The following PRKAR1A variants were observed in gnomAD, a reference collection of about 807,000 sequenced individuals.
PRKAR1A encodes the protein protein kinase cAMP-dependent type I regulatory subunit alpha.
In PRKAR1A, 3 loss-of-function variants were observed where a neutral mutation model predicts 52.0. The ratio of observed to expected loss-of-function variants is 0.06; its 90% CI spans 0.03 to 0.15. PRKAR1A has a LOEUF of 0.15. Among genes scored for constraint, PRKAR1A ranks in the 10% least tolerant of loss-of-function variants. The pLI is 1.00. For missense variants in PRKAR1A, 240 were observed against 477.4 expected, an observed-to-expected ratio of 0.50 and a Z score of 4.63; for synonymous variants, 188 against 168.4, an observed-to-expected ratio of 1.12 and a Z score of -0.90.
chr17:68,530,984 T>G lies in PRKAR1A; in HGVS notation c.*535T>G, dbSNP rs1329748321. On this transcript the variant is annotated 3_prime_UTR_variant, in exon 11 of 11. Coordinates refer to ENST00000589228, the MANE Select transcript of PRKAR1A (RefSeq NM_002734.5). ...TTAAACTAGTTTAAGGGTGGAAAAA[T>G]GCCCATTTTTGCTAATTATCAATGG... 6.5e-6 allele frequency: 7 copies of G among 1,076,108 alleles called. No homozygotes were observed. Among genetic ancestry groups the G allele is most frequent in the Non-Finnish European group, 6.8e-6 (6 of 884,822 alleles). 66.7% of individuals were successfully genotyped at this position (1,076,108 alleles called of 1,614,324 possible).
At chr17:68,418,291 C>T in the PRKAR1A span, among the ~76,000 whole-genome samples, 12 of 152,160 alleles carry the variant, frequency 7.9e-5, no homozygotes, top group African/African-American at 2.2e-4. Context: ...TTTGTTAGGA[C>T]GAGTCTTTCA....
At chr17:68,537,774 C>G, downstream of PRKAR1A, 1 of 1,591,824 alleles carries the variant, frequency 6.3e-7, no homozygotes, top group Non-Finnish European at 8.6e-7. The surrounding 1 kb of genome is among the most constrained non-coding windows in gnomAD (Gnocchi z 4.2). Flanking sequence ...ACCAAATAAG[C>G]AAATGTAAAG....
At chr17:68,523,026 G>T in intron 3 of PRKAR1A, 100 bp downstream of exon 3, 2 of 1,427,208 alleles carry the variant, frequency 1.4e-6, no homozygotes, top group East Asian at 4.8e-5. Flanking sequence ...AAAACAGGGT[G>T]GAACTTCATC....
At chr17:68,485,594 G>A in the PRKAR1A span, among the ~76,000 whole-genome samples, 91 of 152,188 alleles carry the variant, frequency 6.0e-4, 1 homozygote, top group African/African-American at 2.0e-3. Context: ...AAGAGACTCC[G>A]TTTTACATCC....
downstream of PRKAR1A, chr17:68,535,427 G>C (rs2086072486): frequency 2.2e-6 from 1 of 453,970 alleles, no homozygotes; most frequent in Non-Finnish European, 4.4e-6. Flanking sequence ...GCTGTAGCCT[G>C]CTTTCCTGAG....
At chr17:68,537,424 A>G (rs1466135031), downstream of PRKAR1A, 3 of 1,611,916 alleles carry the variant, frequency 1.9e-6, no homozygotes, top group Non-Finnish European at 2.5e-6. This position sits in a 1 kb window ranked among gnomAD's most constrained non-coding sequence, Gnocchi z 4.2. Flanking sequence ...TCGGCACTCG[A>G]GTCGACTGCT....
the PRKAR1A span, among the ~76,000 whole-genome samples, chr17:68,424,276 A>G: frequency 6.6e-6 from 1 of 152,208 alleles, no homozygotes; most frequent in African/African-American, 2.4e-5. Context: ...CCAGAAATGT[A>G]AAAGCTCACG....
the PRKAR1A span, among the ~76,000 whole-genome samples, chr17:68,451,934 T>C: frequency 6.6e-6 from 1 of 152,220 alleles, no homozygotes; most frequent in Non-Finnish European, 1.5e-5. Flanking sequence ...CAGGGAACAA[T>C]GTGGGACAGA....
chr17:68,478,289 T>C, the PRKAR1A span, among the ~76,000 whole-genome samples: 3 of 151,982 alleles, frequency 2.0e-5, no homozygotes, highest in Admixed American at 2.0e-4. Flanking sequence ...TTGTCTCTAC[T>C]AAAATACAAA....
chr17:68,459,475 T>C, the PRKAR1A span, among the ~76,000 whole-genome samples: 1 of 152,224 alleles, frequency 6.6e-6, no homozygotes, highest in African/African-American at 2.4e-5. Flanking sequence ...AAAAGCAGTG[T>C]CTTTGTCAGA....
chr17:68,420,462 AACAG>A, the PRKAR1A span: 5 of 1,607,106 alleles, frequency 3.1e-6, no homozygotes, highest in Non-Finnish European at 4.3e-6. Flanking sequence ...CAAGCCGCAT[AACAG>A]ACCAATTTTT....
chr17:68,479,130 G>C, the PRKAR1A span, among the ~76,000 whole-genome samples: 3,381 of 152,218 alleles, frequency 0.022, 148 homozygotes, highest in African/African-American at 0.078. Context: ...CAGTATTTTA[G>C]TTTCTACATT....
intron 11 of PRKAR1A, chr17:68,539,840 C>T (rs2086210656): frequency 1.3e-6 from 2 of 1,585,002 alleles, no homozygotes; most frequent in African/African-American, 1.3e-5. Flanking sequence ...CACAGAGCAG[C>T]ACATCTGGGA....
intron 11 of PRKAR1A, chr17:68,543,778 A>G (rs762773229): frequency 6.9e-7 from 1 of 1,452,200 alleles, no homozygotes; most frequent in Middle Eastern, 1.7e-4. Context: ...GAGCCTGAGA[A>G]GAGAGCTGAT....
At chr17:68,475,545 C>T in the PRKAR1A span, among the ~76,000 whole-genome samples, 18 of 152,320 alleles carry the variant, frequency 1.2e-4, no homozygotes, top group Non-Finnish European at 2.1e-4. Context: ...CTCACTGCAA[C>T]CTCCACCTTC....
At chr17:68,424,354 C>T in the PRKAR1A span, 1 of 496,466 alleles carries the variant, frequency 2.0e-6, no homozygotes, top group Non-Finnish European at 4.2e-6. Flanking sequence ...CATGCAGGGC[C>T]CCACCGCAGC....
chr17:68,439,108 A>G, the PRKAR1A span, among the ~76,000 whole-genome samples: 1 of 152,198 alleles, frequency 6.6e-6, no homozygotes, highest in Non-Finnish European at 1.5e-5. Context: ...AAGTTCTCAT[A>G]TGACCTAGAA....
At chr17:68,435,583 G>A in the PRKAR1A span, 7 of 1,603,406 alleles carry the variant, frequency 4.4e-6, no homozygotes, top group Non-Finnish European at 6.0e-6. Flanking sequence ...GCCATCCAGC[G>A]AAACCCAGAC....
At chr17:68,427,624 T>C in the PRKAR1A span, 1 of 182,180 alleles carries the variant, frequency 5.5e-6, no homozygotes, top group East Asian at 1.7e-4. Flanking sequence ...TGGGTTTAAA[T>C]TGTAGACCTA....
Sources: gnomAD v4.1 joint callset for allele counts (sites outside exome capture counted in the v4.1 genomes callset) on GRCh38, gnomAD v4.1.1 for gene constraint, Gnocchi (gnomAD v3.1) non-coding constraint, MANE v1.5 for transcripts, NCBI Gene and HGNC (gene_info 2026-07-23, HGNC 2026-07-21) for gene names.